The following MACF1 variants were observed in gnomAD, a reference collection of about 807,000 sequenced individuals.
MACF1 encodes the protein microtubule actin crosslinking factor 1.
Under a neutral mutation model 854.8 loss-of-function variants are expected in MACF1, and 193 were observed. That is an observed-to-expected ratio of 0.23 (90% confidence interval 0.20 to 0.25). The LOEUF (loss-of-function observed/expected upper bound fraction) is 0.25. Ranked by LOEUF, MACF1 falls within the 10% of genes least tolerant of loss-of-function variation. The pLI, the probability that MACF1 is intolerant of heterozygous loss-of-function variation, is 1.00. For missense variants in MACF1, 7,722 were observed against 8,929.1 expected (o/e 0.86, Z 5.45); for synonymous variants, 3,185 against 3,226.7 (o/e 0.99, Z 0.44).
At chr1:39,244,373 C>T (rs1383981179) in intron 2 of MACF1, among the ~76,000 whole-genome samples, 1 of 152,014 alleles carries the variant, frequency 6.6e-6, no homozygotes, top group African/African-American at 2.4e-5. Context: ...CTTCTGCCTC[C>T]GAGGTTCAAG....
chr1:39,102,431 A>AGGGGG (rs757838404), intron 2 of MACF1, among the ~76,000 whole-genome samples: 1 of 98,196 alleles, frequency 1.0e-5, no homozygotes, highest in Non-Finnish European at 2.3e-5. Context: ...TATTAATTGG[A>AGGGGG]GGCGGGGGGG....
At chr1:39,106,137 C>T (rs764645577) in intron 2 of MACF1, among the ~76,000 whole-genome samples, 1 of 152,022 alleles carries the variant, frequency 6.6e-6, no homozygotes, top group African/African-American at 2.4e-5. Flanking sequence ...GAGAGTCCCT[C>T]CCTCGCCCCC....
In MACF1 at chr1:39,480,979, C is replaced by A. The variant is rs1481625714; in HGVS notation, c.22230C>A (p.Gly7410=). ...DKPWLVNSKA[G]TPIRDSHSPD... is the part of the protein sequence containing the mutation. ...CCTGGTTGGTAAACAGTAAAGCTGG[C>A]ACCCCTATCAGGGACAGCCATTCTC... The change falls in exon 99 of 101, where the codon GGC becomes GGA. Residue 7410 remains glycine (G), a synonymous_variant. Coordinates refer to ENST00000564288, the MANE Select transcript of MACF1 (RefSeq NM_001394062.1). 6.4e-7 allele frequency: 1 copy of A among 1,550,768 alleles called. No homozygotes were observed. The highest frequency in any genetic ancestry group is 1.2e-5 in the South Asian group (1 of 84,060).
chr1:39,149,176 G>T (rs191518998), intron 2 of MACF1, among the ~76,000 whole-genome samples: 2 of 152,246 alleles, frequency 1.3e-5, no homozygotes, highest in East Asian at 1.9e-4. Flanking sequence ...GTATTTGCAG[G>T]AACTGATAGG....
intron 94 of MACF1, 144 bp from the exon 95 acceptor site, chr1:39,464,951 A>T: frequency 2.7e-6 from 2 of 733,154 alleles, no homozygotes; most frequent in Non-Finnish European, 4.7e-6. Flanking sequence ...CTGTGGCAGG[A>T]GCTTGGTAAG....
chr1:39,191,655 C>G (rs1644256449), intron 2 of MACF1, among the ~76,000 whole-genome samples: 1 of 152,202 alleles, frequency 6.6e-6, no homozygotes, highest in Non-Finnish European at 1.5e-5. Context: ...TAGCAGATGG[C>G]TCTGCTTCAT....
At chr1:39,288,049 A>G (rs1268467547) in intron 15 of MACF1, among the ~76,000 whole-genome samples, 1 of 152,164 alleles carries the variant, frequency 6.6e-6, no homozygotes, top group Non-Finnish European at 1.5e-5. Flanking sequence ...GTGGGTACAT[A>G]GAAGGTACAT....
At chr1:39,191,196 T>C (rs1033897133) in intron 2 of MACF1, among the ~76,000 whole-genome samples, 4 of 87,330 alleles carry the variant, frequency 4.6e-5, no homozygotes, top group East Asian at 3.9e-4. Context: ...TGATTCTTTC[T>C]TTCTTTTTTT....
In MACF1 at chr1:39,198,423, C is replaced by T. The variant is rs571490719; in HGVS notation, c.221-32759C>T. Among the ~76,000 whole-genome samples, 423 of 151,760 alleles carry T rather than the reference C, an allele frequency of 2.8e-3. 1 individual carries two copies. The highest frequency in any genetic ancestry group is 4.4e-3 in the Non-Finnish European group (300 of 67,904). ...ATCCCAGCACTTTGGGAGGCTGAGG[C>T]GGGTGGATCATGAGGTCAGGAGTTC... On this transcript the variant is annotated intron_variant, in intron 2 of 93. Coordinates refer to the MACF1 transcript ENST00000361689.
rs199846013 is a variant in MACF1 at position 39,424,019 on chromosome 1, T to C, written c.16150-9T>C. On this transcript the variant is annotated splice_polypyrimidine_tract_variant and intron_variant, in intron 60 of 100. Coordinates refer to ENST00000564288, the MANE Select transcript of MACF1 (RefSeq NM_001394062.1). The stretch of plus-strand genomic sequence containing the variant: ...CCTGTGTTACAGCTTTTCATTCTCT[T>C]TATAATAGTTGCTCCAGCGGCTCCT... The C allele has an allele frequency of 1.1e-5, 17 of 1,607,644 alleles. No individual in the cohort carries two copies. The highest frequency in any genetic ancestry group is 1.7e-4 in the Middle Eastern group (1 of 6,054).
chr1:39,285,129 C>T lies in MACF1; in HGVS notation c.1178C>T (p.Pro393Leu). ...GRIKLPQGYH[P>L]NDVEEEWGKL... Reference sequence around the variant, plus strand: ...ATTAAACTGCCTCAAGGTTATCACCCTAATGATGTGGAAGAAGAGTGGGGA... The same window carrying T: ...ATTAAACTGCCTCAAGGTTATCACCTTAATGATGTGGAAGAAGAGTGGGGA... The change falls in exon 12 of 101, where the codon CCT (proline) becomes CTT (leucine). Residue 393 changes from proline to leucine, a missense_variant. Physicochemically the swap from Pro to Leu is moderately conservative, Grantham distance 98. This residue lies in a region of MACF1 where 1,137 missense variants were observed against 1,263.0 expected (regional missense o/e 0.90). Coordinates refer to ENST00000564288, the MANE Select transcript of MACF1 (RefSeq NM_001394062.1). 6.2e-7 allele frequency: 1 copy of T among 1,614,156 alleles called. No individual in the cohort carries two copies. The highest frequency in any genetic ancestry group is 8.5e-7 in the Non-Finnish European group (1 of 1,180,030).
intron 45 of MACF1, 33 bp downstream of exon 45, chr1:39,357,926 A>G (rs1647729040): frequency 4.4e-6 from 7 of 1,574,882 alleles, no homozygotes; most frequent in South Asian, 2.4e-5. Flanking sequence ...CCTTGGTGAA[A>G]CAATCATGGC....
rs1472320819 is a variant in MACF1, at chr1:39,431,048, T to C, written c.17337+140T>C. 8 of 836,714 alleles carry C rather than the reference T, an allele frequency of 9.6e-6. No individual in the cohort carries two copies. The Admixed American group carries it at 1.3e-4, about 14-fold the overall frequency. The allele number at this position is 836,714 out of a possible 1,614,324, so 51.8% of individuals were successfully genotyped here. On this transcript the variant is annotated intron_variant, in intron 66 of 100. Coordinates refer to ENST00000564288, the MANE Select transcript of MACF1 (RefSeq NM_001394062.1). ...TGGTGGAATAAATATGTTTCATTGA[T>C]GGGAAATGATTGGGTAGAAGTTTGT...
rs72922966 is a variant in MACF1, at chr1:39,084,795, A to G, written c.220+357A>G. Among the ~76,000 whole-genome samples the G allele has an allele frequency of 0.023, 3,453 of 152,060 alleles. 125 individuals carry two copies. The highest frequency in any genetic ancestry group is 0.077 in the African/African-American group (3,183 of 41,464). The stretch of plus-strand genomic sequence containing the variant: ...ATATTAAAAAGATTTTCCATATTGC[A>G]CTTTAGACTTTATGGTTACCATTTC... On this transcript the variant is annotated intron_variant, in intron 2 of 93. Coordinates refer to the MACF1 transcript ENST00000361689. The surrounding 1 kb of genome is among the most constrained non-coding windows in gnomAD (Gnocchi z 5.2).
chr1:39,466,929 AT>A (rs992442809), intron 95 of MACF1, among the ~76,000 whole-genome samples: 1 of 152,220 alleles, frequency 6.6e-6, no homozygotes, highest in Non-Finnish European at 1.5e-5. Context: ...CAAATACTGC[AT>A]TTGAGTCAGA....
Position 39,459,069 on chromosome 1 carries a change from A to C in MACF1, c.21197-17A>C. The C allele has an allele frequency of 6.2e-7, 1 of 1,604,136 alleles. No individual in the cohort carries two copies. The highest frequency in any genetic ancestry group is 8.5e-7 in the Non-Finnish European group (1 of 1,175,548). The stretch of plus-strand genomic sequence containing the variant: ...ACTAACCAGCTGTTCTAATCTTGTG[A>C]TTATTTTTCCTTTTAGGGAAATCCC... On this transcript the variant is annotated splice_polypyrimidine_tract_variant and intron_variant, in intron 90 of 100. Coordinates refer to ENST00000564288, the MANE Select transcript of MACF1 (RefSeq NM_001394062.1).
chr1:39,126,981 C>T (rs893398266), intron 2 of MACF1, among the ~76,000 whole-genome samples: 1 of 152,172 alleles, frequency 6.6e-6, no homozygotes, highest in African/African-American at 2.4e-5. Context: ...CCTGTAATCC[C>T]AGCCCTTTGG....
intron 2 of MACF1, among the ~76,000 whole-genome samples, chr1:39,135,555 A>G (rs1368875321): frequency 2.6e-5 from 4 of 152,094 alleles, no homozygotes; most frequent in Admixed American, 1.3e-4. Flanking sequence ...TTTTAATAGT[A>G]ATGAATTGAT....
Position 39,280,944 on chromosome 1 carries a change from C to T in MACF1, c.529-1264C>T, listed in dbSNP as rs151042221. ...CTGTGGGAGTTAGACAAGTAAGAAT[C>T]GAAGGAAGACCAGCCTTCAAATAAG... On this transcript the variant is annotated intron_variant, in intron 6 of 100. Transcript: ENST00000564288. Among the ~76,000 whole-genome samples, 272 of 152,238 alleles carry T rather than the reference C, an allele frequency of 1.8e-3. 2 individuals are homozygous for T. Among genetic ancestry groups the T allele is most frequent in the African/African-American group, 6.5e-3 (268 of 41,532 alleles).
Sources: gnomAD v4.1 joint callset for allele counts (sites outside exome capture counted in the v4.1 genomes callset) on GRCh38, gnomAD v4.1.1 for gene constraint, gnomAD v4.1.1 regional missense constraint, Gnocchi (gnomAD v3.1) non-coding constraint, MANE v1.5 for transcripts, NCBI Gene and HGNC (gene_info 2026-07-23, HGNC 2026-07-21) for gene names.